Variants in RANBP2 observed in about 807,000 individuals in gnomAD.
The protein encoded by RANBP2 is RAN binding protein 2.
RANBP2 carries 57 observed loss-of-function variants against 303.6 expected under a neutral mutation model. The ratio of observed to expected loss-of-function variants is 0.19; its 90% CI spans 0.15 to 0.23. The LOEUF (loss-of-function observed/expected upper bound fraction) is 0.23. Among genes scored for constraint, RANBP2 ranks in the 10% least tolerant of loss-of-function variants. The pLI is 1.00. For synonymous variants in RANBP2, 1,167 were observed against 1,301.5 expected (o/e 0.90, Z 2.23); for missense variants, 3,138 against 3,780.8 (o/e 0.83, Z 4.46).
chr2:109,524,314 G>A, the RANBP2 span, among the ~76,000 whole-genome samples: 4 of 152,054 alleles, frequency 2.6e-5, no homozygotes, highest in Non-Finnish European at 5.9e-5. Context: ...GCTGCCCACT[G>A]TCACCTTCTC....
chr2:108,794,083 A>T, the RANBP2 span, among the ~76,000 whole-genome samples: 1 of 152,194 alleles, frequency 6.6e-6, no homozygotes, highest in African/African-American at 2.4e-5. Context: ...AATTATGTTA[A>T]TATAATTACA....
the RANBP2 span, among the ~76,000 whole-genome samples, chr2:109,693,755 G>A: frequency 6.6e-6 from 1 of 152,140 alleles, no homozygotes; most frequent in African/African-American, 2.4e-5. Context: ...ATATACCAAT[G>A]TTCATATTAA....
At chr2:109,653,224 G>T in the RANBP2 span, among the ~76,000 whole-genome samples, 1 of 152,070 alleles carries the variant, frequency 6.6e-6, no homozygotes, top group East Asian at 1.9e-4. Context: ...GTGAAACCCC[G>T]TCTCTACTAA....
At chr2:108,809,283 C>T in the RANBP2 span, among the ~76,000 whole-genome samples, 5 of 152,142 alleles carry the variant, frequency 3.3e-5, no homozygotes, top group Non-Finnish European at 7.4e-5. Context: ...CGCACAGGAT[C>T]GCTTTCGCTT....
the RANBP2 span, among the ~76,000 whole-genome samples, chr2:109,456,933 A>C: frequency 2.3e-4 from 35 of 152,256 alleles, no homozygotes; most frequent in Non-Finnish European, 3.4e-4. Flanking sequence ...GAAGGAGCAC[A>C]GTCATCTCAA....
At chr2:109,541,499 G>A in the RANBP2 span, among the ~76,000 whole-genome samples, 1 of 152,116 alleles carries the variant, frequency 6.6e-6, no homozygotes. Flanking sequence ...ATAAACCCTG[G>A]AGAACACCTA....
chr2:109,187,845 C>T, the RANBP2 span, among the ~76,000 whole-genome samples: 12 of 152,340 alleles, frequency 7.9e-5, no homozygotes, highest in East Asian at 2.1e-3. Flanking sequence ...CCATTCTCAG[C>T]TTATCAGCAC....
the RANBP2 span, among the ~76,000 whole-genome samples, chr2:109,254,238 T>C: frequency 2.0e-5 from 3 of 152,186 alleles, no homozygotes; most frequent in Non-Finnish European, 4.4e-5. Context: ...ATGTCTGACC[T>C]GAGGACAATC....
chr2:109,078,210 CGTATATATATATAGCGTGT>C, the RANBP2 span, among the ~76,000 whole-genome samples: 1,289 of 36,614 alleles, frequency 0.035, 171 homozygotes, highest in African/African-American at 0.13. Context: ...ATATATATAG[CGTATATATATATAGCGTGT>C]ATATATATAT....
chr2:109,394,464 A>C, the RANBP2 span, among the ~76,000 whole-genome samples: 2 of 152,220 alleles, frequency 1.3e-5, no homozygotes, highest in Non-Finnish European at 2.9e-5. Flanking sequence ...GCCCCAGAAC[A>C]GGGGCAGGCT....
chr2:109,010,442 A>G, the RANBP2 span, among the ~76,000 whole-genome samples: 1 of 151,422 alleles, frequency 6.6e-6, no homozygotes, highest in Non-Finnish European at 1.5e-5. Context: ...CATGCATCTT[A>G]GTCAGCTTGG....
At chr2:108,977,404 GAC>G in the RANBP2 span, among the ~76,000 whole-genome samples, 1 of 152,178 alleles carries the variant, frequency 6.6e-6, no homozygotes, top group Non-Finnish European at 1.5e-5. Context: ...AAGTAGCTGG[GAC>G]TACAGGCACC....
At chr2:109,273,637 T>G in the RANBP2 span, among the ~76,000 whole-genome samples, 2 of 152,284 alleles carry the variant, frequency 1.3e-5, no homozygotes, top group Middle Eastern at 3.4e-3. Flanking sequence ...GCTTATGGCT[T>G]CATATGATGA....
At chr2:109,432,430 C>T in the RANBP2 span, 1 of 1,574,536 alleles carries the variant, frequency 6.4e-7, no homozygotes, top group East Asian at 2.3e-5. Context: ...CAACCTCCCC[C>T]CAGGAATGCC....
At chr2:109,164,435 C>G in the RANBP2 span, among the ~76,000 whole-genome samples, 1 of 152,192 alleles carries the variant, frequency 6.6e-6, no homozygotes, top group African/African-American at 2.4e-5. Flanking sequence ...TCTCCTGCCT[C>G]AGCTTCCTGA....
the RANBP2 span, among the ~76,000 whole-genome samples, chr2:109,326,859 C>T: frequency 6.6e-6 from 1 of 152,204 alleles, no homozygotes; most frequent in Non-Finnish European, 1.5e-5. Flanking sequence ...CAGCCACTGG[C>T]CCAGTGTTCC....
intron 6 of RANBP2, among the ~76,000 whole-genome samples, chr2:108,736,558 A>T (rs1695601151): frequency 6.6e-6 from 1 of 152,214 alleles, no homozygotes; most frequent in African/African-American, 2.4e-5. Flanking sequence ...GCTATTTCAT[A>T]TTTTATTTTT....
the RANBP2 span, chr2:109,501,812 G>T: frequency 1.1e-5 from 7 of 609,228 alleles, no homozygotes; most frequent in Non-Finnish European, 2.0e-5. Flanking sequence ...GGCCCAGGGT[G>T]GGGGCCAGGG....
At chr2:108,867,277 A>T in the RANBP2 span, among the ~76,000 whole-genome samples, 1 of 152,202 alleles carries the variant, frequency 6.6e-6, no homozygotes, top group Non-Finnish European at 1.5e-5. Context: ...TCCCCGCTGG[A>T]AGCTAGAACT....
Sources: allele counts gnomAD v4.1 joint callset (sites outside exome capture counted in the v4.1 genomes callset), GRCh38; gene constraint gnomAD v4.1.1; transcripts MANE v1.5; gene names NCBI Gene and HGNC (gene_info 2026-07-23, HGNC 2026-07-21).